SPTBN1: variants seen among roughly 807,000 people sequenced by gnomAD.
SPTBN1 encodes spectrin beta, non-erythrocytic 1, also known as spectrin beta chain, non-erythrocytic 1.
In SPTBN1, 32 loss-of-function variants were observed where a neutral mutation model predicts 266.4. The ratio of observed to expected loss-of-function variants is 0.12; its 90% CI spans 0.09 to 0.16. The LOEUF is 0.16. Among genes scored for constraint, SPTBN1 ranks in the 10% least tolerant of loss-of-function variants. The pLI is 1.00. For synonymous variants in SPTBN1, 1,336 were observed against 1,162.2 expected (o/e 1.15, Z -3.04); for missense variants, 2,296 against 3,067.1 (o/e 0.75, Z 5.94).
In SPTBN1 at chr2:54,632,585, C is replaced by G. The variant is rs1428139156; in HGVS notation, c.3584C>G (p.Thr1195Ser). 13 of 1,614,116 alleles carry G rather than the reference C, an allele frequency of 8.1e-6. No homozygotes were observed. The Admixed American group carries it at 2.2e-4, about 27-fold the overall frequency. The change falls in exon 17 of 36, where the codon ACT (threonine) becomes AGT (serine). Residue 1195 changes from threonine (T) to serine (S), a missense_variant. Thr to Ser is a moderately conservative substitution (Grantham distance 58). Around this residue, in one of 12 missense-constraint regions of SPTBN1, gnomAD observed 386 missense variants for 486.1 expected, o/e 0.79. Transcript: ENST00000356805. The stretch of plus-strand genomic sequence containing the variant: ...AATAAGGAGTATGTTCTGGCTCACA[C>G]TGAAATGCCTACCACCTTGGAAGGA... ...LNNQEYVLAH[T>S]EMPTTLEGAE...
chr2:54,600,660 A>G (rs1239809590), intron 3 of SPTBN1, among the ~76,000 whole-genome samples: 2 of 150,028 alleles, frequency 1.3e-5, no homozygotes, highest in East Asian at 1.9e-4. Context: ...TCCTTTGTCT[A>G]CCTCTCAACC....
chr2:54,667,475 A>G, intron 34 of SPTBN1, 129 bp from the exon 35 acceptor site: 2 of 775,368 alleles, frequency 2.6e-6, no homozygotes, highest in Non-Finnish European at 4.2e-6. Flanking sequence ...CTTGGTGGTG[A>G]CATATGTAGG....
At chr2:54,589,083 A>G (rs575732087) in intron 2 of SPTBN1, among the ~76,000 whole-genome samples, 8 of 152,260 alleles carry the variant, frequency 5.3e-5, no homozygotes, top group East Asian at 1.9e-4. Flanking sequence ...AAACAATCCA[A>G]TTATACTCTT....
intron 1 of SPTBN1, among the ~76,000 whole-genome samples, chr2:54,462,178 C>T (rs1693400771): frequency 1.3e-5 from 2 of 152,216 alleles, no homozygotes; most frequent in South Asian, 2.1e-4. Flanking sequence ...GTTCCAGGCA[C>T]ATAGTACGTA....
At chr2:54,494,552 C>G (rs1204028074) in intron 1 of SPTBN1, among the ~76,000 whole-genome samples, 2 of 152,182 alleles carry the variant, frequency 1.3e-5, no homozygotes, top group Non-Finnish European at 2.9e-5. Flanking sequence ...GTATACTATT[C>G]AGCAGTAAAA....
chr2:54,509,225 A>G (rs1440708982), intron 1 of SPTBN1, among the ~76,000 whole-genome samples: 1 of 152,190 alleles, frequency 6.6e-6, no homozygotes, highest in Non-Finnish European at 1.5e-5. Context: ...AAGGGAGTGA[A>G]TGTCATGTGG....
At chr2:54,535,463 A>C (rs556135767) in intron 2 of SPTBN1, among the ~76,000 whole-genome samples, 1 of 152,312 alleles carries the variant, frequency 6.6e-6, no homozygotes, top group Admixed American at 6.5e-5. Context: ...GGATTTGCCT[A>C]TTCTGGACAT....
intron 3 of SPTBN1, among the ~76,000 whole-genome samples, chr2:54,603,731 A>T (rs879685076): frequency 1.3e-5 from 2 of 152,210 alleles, no homozygotes; most frequent in Non-Finnish European, 1.5e-5. Context: ...TTTGTAGCAT[A>T]TTAGAAGAAA....
chr2:54,638,839 A>G (rs763200813), intron 18 of SPTBN1, among the ~76,000 whole-genome samples: 4 of 152,206 alleles, frequency 2.6e-5, no homozygotes, highest in Non-Finnish European at 5.9e-5. Flanking sequence ...ATCATCACAG[A>G]CACCCTGCAT....
chr2:54,525,840 C>T (rs1430000836), intron 1 of SPTBN1, among the ~76,000 whole-genome samples: 1 of 151,870 alleles, frequency 6.6e-6, no homozygotes, highest in Non-Finnish European at 1.5e-5. Flanking sequence ...GAGCAATTCT[C>T]CCTGCCTCAG....
intron 34 of SPTBN1, 127 bp from the exon 35 acceptor site, chr2:54,667,477 A>G (rs1213591337): frequency 6.2e-6 from 5 of 804,018 alleles, no homozygotes; most frequent in Non-Finnish European, 1.0e-5. Flanking sequence ...TGGTGGTGAC[A>G]TATGTAGGTT....
At chr2:54,522,367 G>A (rs1401778182) in intron 1 of SPTBN1, among the ~76,000 whole-genome samples, 1 of 151,932 alleles carries the variant, frequency 6.6e-6, no homozygotes, top group Non-Finnish European at 1.5e-5. Context: ...AGGTAGGCTC[G>A]CACCTGTAAT....
In SPTBN1 at chr2:54,523,630, C is replaced by G. The variant is rs1456996382; in HGVS notation, c.-47-2742C>G. 2.6e-5 allele frequency among the ~76,000 whole-genome samples: 4 copies of G among 152,212 alleles called. No individual in the cohort carries two copies. In the East Asian group the frequency reaches 7.7e-4, roughly 29 times the overall value. The stretch of plus-strand genomic sequence containing the variant: ...TGGCATGTGTGGTTATGTGCTGGAA[C>G]TTTTAAAAAGCTGCATTTCAAGCAC... On this transcript the variant is annotated intron_variant, in intron 1 of 35. Coordinates refer to ENST00000356805, the MANE Select transcript of SPTBN1 (RefSeq NM_003128.3).
chr2:54,496,934 G>A (rs1669000358), intron 1 of SPTBN1, among the ~76,000 whole-genome samples: 1 of 152,240 alleles, frequency 6.6e-6, no homozygotes, highest in Admixed American at 6.5e-5. Flanking sequence ...TATGTGTCCT[G>A]TAATAGGGAC....
chr2:54,656,174 G>A (rs1222188955), intron 29 of SPTBN1, among the ~76,000 whole-genome samples, 176 bp downstream of exon 29: 1 of 152,150 alleles, frequency 6.6e-6, no homozygotes, highest in Middle Eastern at 3.2e-3. Context: ...AGCTTCCTAT[G>A]GCGTAGTCAT....
chr2:54,488,824 C>T (rs1668542041), intron 1 of SPTBN1, among the ~76,000 whole-genome samples: 1 of 152,080 alleles, frequency 6.6e-6, no homozygotes, highest in Non-Finnish European at 1.5e-5. Flanking sequence ...AGTTATTAAT[C>T]TTACAAAGGC....
rs746819635 is a variant in SPTBN1, at chr2:54,653,967, CAG to C, written c.5822+117_5822+118del. On this transcript the variant is annotated intron_variant, in intron 27 of 35. Transcript: ENST00000356805. This position sits in a 1 kb window ranked among gnomAD's most constrained non-coding sequence, Gnocchi z 5.1. ...CGTTCCTGCCTGAGCGCTTCAAGGC[CAG>C]AGTGGGGGTGGGGCGGTGCTTGGAG... 45 of 1,474,202 alleles carry C rather than the reference CAG, an allele frequency of 3.1e-5. No homozygotes were observed. Among genetic ancestry groups the C allele is most frequent in the Middle Eastern group, 3.9e-4 (2 of 5,096 alleles). The allele number at this position is 1,474,202 out of a possible 1,614,324, so 91.3% of individuals were successfully genotyped here.
chr2:54,647,696 C>T (rs969740322), intron 24 of SPTBN1, among the ~76,000 whole-genome samples: 3 of 152,278 alleles, frequency 2.0e-5, no homozygotes, highest in African/African-American at 4.8e-5. Flanking sequence ...AAAAAATCAG[C>T]TGGGTGTGGT....
chr2:54,610,948 G>A (rs1039356292), intron 3 of SPTBN1, among the ~76,000 whole-genome samples: 2 of 152,172 alleles, frequency 1.3e-5, no homozygotes, highest in Non-Finnish European at 2.9e-5. Flanking sequence ...AGCATCATAG[G>A]CATTTTAAGT....
Sources: gnomAD v4.1 joint callset for allele counts (sites outside exome capture counted in the v4.1 genomes callset) on GRCh38, gnomAD v4.1.1 for gene constraint, gnomAD v4.1.1 regional missense constraint, Gnocchi (gnomAD v3.1) non-coding constraint, MANE v1.5 for transcripts, NCBI Gene and HGNC (gene_info 2026-07-23, HGNC 2026-07-21) for gene names.